The following SEC31A variants were observed in gnomAD, a reference collection of about 807,000 sequenced individuals.
SEC31A encodes the protein protein transport protein Sec31A.
Under a neutral mutation model 151.0 loss-of-function variants are expected in SEC31A, and 70 were observed. That is an observed-to-expected ratio of 0.46 (90% CI 0.38 to 0.57). The LOEUF is 0.57. Among genes scored for constraint, SEC31A ranks in the 20% least tolerant of loss-of-function variants. SEC31A has a pLI of 0.00. For synonymous variants in SEC31A, 475 were observed against 505.9 expected, an observed-to-expected ratio of 0.94 and a Z score of 0.82; for missense variants, 1,330 against 1,471.2, an observed-to-expected ratio of 0.90 and a Z score of 1.57.
upstream of SEC31A, chr4:82,891,231 T>C: frequency 3.4e-6 from 5 of 1,468,786 alleles, no homozygotes; most frequent in Non-Finnish European, 3.7e-6. Context: ...AGCCACGCCC[T>C]GCGCCCAACA....
intron 21 of SEC31A, among the ~76,000 whole-genome samples, chr4:82,843,262 C>G (rs1729323049): frequency 1.3e-5 from 2 of 151,956 alleles, no homozygotes; most frequent in African/African-American, 4.8e-5. Flanking sequence ...TCCTGAGTAG[C>G]TGGGACTACA....
At chr4:82,843,897 C>A (rs9690) in intron 21 of SEC31A, 69,354 of 152,744 alleles carry the variant, frequency 0.45, 18,336 homozygotes, top group Admixed American at 0.6. Flanking sequence ...CGTAGGATGT[C>A]AATAGTGGGG....
chr4:82,859,260 G>A lies in SEC31A; in HGVS notation c.1627-1496C>T, dbSNP rs149910436. On this transcript the variant is annotated intron_variant, in intron 14 of 26. Transcript: ENST00000395310. ...ATACCTGGAACAGTGGGTTAGTCTGGTAAAAATATACACAGTTCTGTTATA... is the reference window on the plus strand; with the variant it reads ...ATACCTGGAACAGTGGGTTAGTCTGATAAAAATATACACAGTTCTGTTATA... 1.7e-3 allele frequency among the ~76,000 whole-genome samples: 264 copies of A among 152,168 alleles called. 4 individuals carry two copies. Among genetic ancestry groups the A allele is most frequent in the Admixed American group, 5.8e-3 (89 of 15,290 alleles).
chr4:82,857,726 G>A lies in SEC31A; in HGVS notation c.1665C>T (p.Pro555=). Reference sequence around the variant, plus strand: ...AGATATTAAATGTTCCTCCAGATGAGGGTAGAAATTCAGATTCTTCTTTTT... The same window carrying A: ...AGATATTAAATGTTCCTCCAGATGAAGGTAGAAATTCAGATTCTTCTTTTT... ...KEEKEESEFL[P]SSGGTFNISV... Residue 555 remains proline (P), a synonymous_variant, in exon 15 of 27, where the codon CCC becomes CCT. Coordinates refer to ENST00000395310, the MANE Select transcript of SEC31A (RefSeq NM_001077207.4). 6.2e-7 allele frequency: 1 copy of A among 1,603,900 alleles called. No homozygotes were observed. Among genetic ancestry groups the A allele is most frequent in the Non-Finnish European group, 8.5e-7 (1 of 1,171,260 alleles).
At chr4:82,847,099 G>GGCT (rs1279249049) in intron 20 of SEC31A, among the ~76,000 whole-genome samples, 1 of 152,214 alleles carries the variant, frequency 6.6e-6, no homozygotes, top group East Asian at 1.9e-4. Flanking sequence ...TTATCAGCAA[G>GGCT]GCTGCCAGTC....
chr4:82,840,973 C>T (rs1460671959), intron 22 of SEC31A, among the ~76,000 whole-genome samples: 3 of 152,126 alleles, frequency 2.0e-5, no homozygotes, highest in Non-Finnish European at 4.4e-5. Context: ...TTAGGCTACA[C>T]TAAATTTATT....
In SEC31A at chr4:82,844,443, G is replaced by A; in HGVS notation, c.2569C>T (p.Leu857Phe). The A allele has an allele frequency of 6.2e-7, 1 of 1,613,978 alleles. No homozygotes were observed. Among genetic ancestry groups the A allele is most frequent in the East Asian group, 2.2e-5 (1 of 44,884 alleles). The change falls in exon 21 of 27, where the codon CTT becomes TTT. Residue 857 changes from leucine (L) to phenylalanine (F), a missense_variant. Physicochemically the swap from Leu to Phe is conservative, Grantham distance 22. Transcript: ENST00000395310. ...GNVNPNAAGQLPTSPGHMHTQ... is the reference protein window; with the variant it reads ...GNVNPNAAGQFPTSPGHMHTQ... The stretch of plus-strand genomic sequence containing the variant: ...TGCATATGACCTGGAGATGTGGGAA[G>A]CTGACCAGCAGCATTTGGATTAACA...
chr4:82,871,309 C>T, intron 7 of SEC31A: 1 of 1,305,860 alleles, frequency 7.7e-7, no homozygotes, highest in South Asian at 1.6e-5. Context: ...ATTATACATG[C>T]ATACACACAC....
Position 82,857,814 on chromosome 4 carries a change from G to T in SEC31A, c.1627-50C>A, listed in dbSNP as rs751622721. 5.0e-6 allele frequency: 6 copies of T among 1,196,976 alleles called. No individual in the cohort carries two copies. In the South Asian group the frequency reaches 5.1e-5, roughly 10 times the overall value. 74.1% of individuals were successfully genotyped at this position (1,196,976 alleles called of 1,614,324 possible). On this transcript the variant is annotated intron_variant, in intron 14 of 26. Coordinates refer to ENST00000395310, the MANE Select transcript of SEC31A (RefSeq NM_001077207.4). ...TTTAGCCAGAATAAAACTGTGGAATGATTTACTGACAAAAAAAATTTACAC... is the reference window on the plus strand; with the variant it reads ...TTTAGCCAGAATAAAACTGTGGAATTATTTACTGACAAAAAAAATTTACAC...
At chr4:82,878,686 G>A in intron 4 of SEC31A, 44 bp downstream of exon 4, 2 of 1,504,492 alleles carry the variant, frequency 1.3e-6, no homozygotes, top group Non-Finnish European at 9.2e-7. Context: ...GATTTCAAAT[G>A]AGCAGCACAT....
At chr4:82,881,121 T>G (rs1739195550) in intron 2 of SEC31A, among the ~76,000 whole-genome samples, 199 bp from the exon 3 acceptor site, 1 of 152,154 alleles carries the variant, frequency 6.6e-6, no homozygotes, top group South Asian at 2.1e-4. Flanking sequence ...GAGTGGGTAG[T>G]GTAAATAATT....
intron 10 of SEC31A, 118 bp from the exon 11 acceptor site, chr4:82,864,716 C>G: frequency 1.4e-6 from 1 of 691,624 alleles, no homozygotes; most frequent in Non-Finnish European, 2.4e-6. Flanking sequence ...ACCTCTCATG[C>G]GCCACAGTCT....
At chr4:82,879,058 G>T in intron 3 of SEC31A, 130 bp from the exon 4 acceptor site, 1 of 672,270 alleles carries the variant, frequency 1.5e-6, no homozygotes, top group Non-Finnish European at 2.6e-6. Flanking sequence ...CACCACTCCT[G>T]GTAACTATGT....
chr4:82,864,641 T>C, intron 10 of SEC31A, 43 bp from the exon 11 acceptor site: 2 of 1,555,516 alleles, frequency 1.3e-6, no homozygotes, highest in Non-Finnish European at 1.8e-6. Flanking sequence ...AACCCAAGGA[T>C]ATGGCCAAAA....
chr4:82,886,254 CACATGGTTAAAA>C (rs2125912609), intron 1 of SEC31A, among the ~76,000 whole-genome samples: 1 of 152,314 alleles, frequency 6.6e-6, no homozygotes, highest in Admixed American at 6.5e-5. Flanking sequence ...CAGGATGTAT[CACATGGTTAAAA>C]GCATGGTCTC....
At chr4:82,893,165 C>T (rs1020749), upstream of SEC31A, 103,471 of 152,094 alleles carry the variant, frequency 0.68, 37,553 homozygotes, top group Non-Finnish European at 0.8. Context: ...ACATCCAGGG[C>T]GCAAGTGATC....
intron 22 of SEC31A, among the ~76,000 whole-genome samples, chr4:82,835,655 C>T (rs371655776): frequency 2.0e-5 from 3 of 152,116 alleles, no homozygotes; most frequent in South Asian, 2.1e-4. Context: ...ATTAGCTGGA[C>T]GTGGTGGCAC....
At chr4:82,882,396 T>C (rs909255767) in intron 1 of SEC31A, among the ~76,000 whole-genome samples, 8 of 90,768 alleles carry the variant, frequency 8.8e-5, no homozygotes, top group African/African-American at 4.3e-4. Context: ...AGCAAGACTC[T>C]ATCTCAAAAA....
At chr4:82,865,633 A>G (rs1406069689) in intron 10 of SEC31A, among the ~76,000 whole-genome samples, 1 of 151,362 alleles carries the variant, frequency 6.6e-6, no homozygotes, top group African/African-American at 2.4e-5. Context: ...CTGTCACACT[A>G]CAACACAGAT....
Sources: gnomAD v4.1 joint callset for allele counts (sites outside exome capture counted in the v4.1 genomes callset) on GRCh38, gnomAD v4.1.1 for gene constraint, MANE v1.5 for transcripts, NCBI Gene and HGNC (gene_info 2026-07-23, HGNC 2026-07-21) for gene names.